Variants in FOXN3 observed in about 807,000 individuals in gnomAD.
FOXN3 encodes forkhead box N3.
A neutral mutation model predicts 38.4 loss-of-function variants in FOXN3; 7 were observed. The ratio of observed to expected loss-of-function variants is 0.18; its 90% CI spans 0.10 to 0.34. The LOEUF is 0.34. Among genes scored for constraint, FOXN3 ranks in the 10% least tolerant of loss-of-function variants. The pLI is 1.00. For missense variants in FOXN3, 456 were observed against 613.4 expected (o/e 0.74, Z 2.71); for synonymous variants, 230 against 242.2 (o/e 0.95, Z 0.47).
chr14:89,390,689 G>A (rs2140076794), intron 2 of FOXN3, among the ~76,000 whole-genome samples: 1 of 152,202 alleles, frequency 6.6e-6, no homozygotes, highest in East Asian at 1.9e-4. Context: ...AAGCTCCAAA[G>A]TAATTGAATC....
At chr14:89,439,097 T>C (rs776575488) in intron 1 of FOXN3, among the ~76,000 whole-genome samples, 18 of 152,100 alleles carry the variant, frequency 1.2e-4, no homozygotes, top group African/African-American at 4.3e-4. Context: ...CCCTGCCAAA[T>C]TGAATAGGCT....
chr14:89,176,926 G>C (rs969030052), intron 5 of FOXN3, among the ~76,000 whole-genome samples: 28 of 152,146 alleles, frequency 1.8e-4, no homozygotes, highest in Admixed American at 1.6e-3. Context: ...ACTGAGGGGG[G>C]CAAGTTCAGA....
intron 1 of FOXN3, among the ~76,000 whole-genome samples, chr14:89,609,894 CG>C (rs960898436): frequency 5.9e-5 from 9 of 151,676 alleles, no homozygotes; most frequent in African/African-American, 2.2e-4. Context: ...AAAACGAGGG[CG>C]GGGGCGGCGG....
chr14:89,618,684 T>G (rs1472841799), intron 1 of FOXN3, among the ~76,000 whole-genome samples: 1 of 151,984 alleles, frequency 6.6e-6, no homozygotes, highest in Non-Finnish European at 1.5e-5. Context: ...CAGAATTGCA[T>G]CAATTATTTG....
intron 4 of FOXN3, among the ~76,000 whole-genome samples, chr14:89,279,273 G>GTAACCCTAT (rs1555414634): frequency 6.6e-6 from 1 of 152,262 alleles, no homozygotes; most frequent in African/African-American, 2.4e-5. Context: ...GGGGGAATTT[G>GTAACCCTAT]TAACCCTATC....
chr14:89,535,949 C>T (rs930720417), intron 1 of FOXN3, among the ~76,000 whole-genome samples: 1 of 152,074 alleles, frequency 6.6e-6, no homozygotes, highest in Non-Finnish European at 1.5e-5. Context: ...AAGAATTAGT[C>T]GTATATTCTA....
chr14:89,524,235 G>A (rs532651803), intron 1 of FOXN3, among the ~76,000 whole-genome samples: 181 of 147,570 alleles, frequency 1.2e-3, no homozygotes, highest in African/African-American at 4.1e-3. Flanking sequence ...TTAGCCAAGC[G>A]AGGTGGTGGG....
At chr14:89,511,858 A>G (rs1894099896) in intron 1 of FOXN3, among the ~76,000 whole-genome samples, 1 of 152,182 alleles carries the variant, frequency 6.6e-6, no homozygotes, top group Non-Finnish European at 1.5e-5. Context: ...CAGGAACAAG[A>G]AGAATAAGTG....
intron 2 of FOXN3, among the ~76,000 whole-genome samples, chr14:89,373,701 A>G (rs1018601624): frequency 1.3e-5 from 2 of 152,172 alleles, no homozygotes; most frequent in African/African-American, 2.4e-5. Context: ...GGTGCTTAAT[A>G]AATTCTCCAG....
chr14:89,517,233 C>T (rs930970108), intron 1 of FOXN3, among the ~76,000 whole-genome samples: 3 of 151,932 alleles, frequency 2.0e-5, no homozygotes, highest in Non-Finnish European at 4.4e-5. Flanking sequence ...CATGGTGGCA[C>T]ACGCCTGTAA....
intron 1 of FOXN3, among the ~76,000 whole-genome samples, chr14:89,431,957 C>T (rs552235508): frequency 1.5e-3 from 228 of 152,310 alleles, no homozygotes; most frequent in Non-Finnish European, 2.4e-3. Flanking sequence ...TCAGGTGATC[C>T]GCCTGCCTCG....
intron 1 of FOXN3, among the ~76,000 whole-genome samples, chr14:89,505,150 G>C (rs1438857626): frequency 6.6e-6 from 1 of 152,204 alleles, no homozygotes; most frequent in South Asian, 2.1e-4. Flanking sequence ...CAGAGATGCA[G>C]CATGACTGAG....
chr14:89,208,546 C>G (rs1229161006), intron 4 of FOXN3, among the ~76,000 whole-genome samples: 1 of 152,150 alleles, frequency 6.6e-6, no homozygotes, highest in African/African-American at 2.4e-5. Context: ...AAGATTGCTA[C>G]AGAGACTCTT....
intron 4 of FOXN3, among the ~76,000 whole-genome samples, chr14:89,183,470 C>CAA (rs1190878728): frequency 6.6e-6 from 1 of 151,480 alleles, no homozygotes; most frequent in Non-Finnish European, 1.5e-5. Flanking sequence ...GGAGATAGAG[C>CAA]GAGAGAGAGA....
chr14:89,396,007 A>T (rs1014841697), intron 2 of FOXN3, among the ~76,000 whole-genome samples: 1 of 152,170 alleles, frequency 6.6e-6, no homozygotes, highest in Non-Finnish European at 1.5e-5. Context: ...ACCAGGAAGG[A>T]TCTGTGTGGA....
intron 4 of FOXN3, among the ~76,000 whole-genome samples, chr14:89,272,583 G>A (rs1302909322): frequency 6.6e-6 from 1 of 152,148 alleles, no homozygotes; most frequent in Non-Finnish European, 1.5e-5. Context: ...TGCGAGCGGT[G>A]GCTCACGCCT....
At chr14:89,310,280 GGGGTCGGGCAGC>G (rs1214237132) in intron 3 of FOXN3, among the ~76,000 whole-genome samples, 1 of 152,212 alleles carries the variant, frequency 6.6e-6, no homozygotes, top group Non-Finnish European at 1.5e-5. Context: ...GGACTCACAG[GGGGTCGGGCAGC>G]CATCCTGCCT....
intron 2 of FOXN3, among the ~76,000 whole-genome samples, chr14:89,370,063 T>C (rs1890270712): frequency 8.7e-6 from 1 of 114,354 alleles, no homozygotes; most frequent in African/African-American, 3.4e-5. Context: ...AAATGCTTTC[T>C]AATACTGTGT....
chr14:89,558,164 A>G (rs749507670), intron 1 of FOXN3, among the ~76,000 whole-genome samples: 4 of 152,212 alleles, frequency 2.6e-5, no homozygotes, highest in Non-Finnish European at 5.9e-5. Context: ...CTGATGGGGC[A>G]CTGAGGATGG....
Sources: allele counts gnomAD v4.1 joint callset (sites outside exome capture counted in the v4.1 genomes callset), GRCh38; gene constraint gnomAD v4.1.1; transcripts MANE v1.5; gene names NCBI Gene and HGNC (gene_info 2026-07-23, HGNC 2026-07-21).